SPATA1: variants seen among roughly 807,000 people sequenced by gnomAD.
The protein encoded by SPATA1 is spermatogenesis-associated protein 1.
In SPATA1, 57 loss-of-function variants were observed where a neutral mutation model predicts 59.6. The ratio of observed to expected loss-of-function variants is 0.96; its 90% CI spans 0.77 to 1.19. SPATA1 has a LOEUF of 1.19. Among genes scored for constraint, SPATA1 ranks in the 50% most tolerant of loss-of-function variants. The pLI, the probability that SPATA1 is intolerant of heterozygous loss-of-function variation, is 0.00. For missense variants in SPATA1, 448 were observed against 480.7 expected, an observed-to-expected ratio of 0.93 and a Z score of 0.64; for synonymous variants, 147 against 163.9, an observed-to-expected ratio of 0.90 and a Z score of 0.79.
chr1:84,509,279 A>G (rs1211096236), intron 1 of SPATA1, among the ~76,000 whole-genome samples: 1 of 152,178 alleles, frequency 6.6e-6, no homozygotes, highest in Non-Finnish European at 1.5e-5. Context: ...ACCTACAGTG[A>G]ACTCGTTTTT....
chr1:84,548,880 CTACTA>C lies in SPATA1; in HGVS notation c.1044_1048del (p.Tyr348Ter). ...CAAAACTTCGAGAAGATTTGGAACT[CTACTA>C]TAAAAAACTGCTCATGCAACTTGAA... On this transcript the variant is annotated frameshift_variant, in exon 11 of 13. Transcript: ENST00000490879. LOFTEE classifies it high-confidence loss of function. 6.3e-7 allele frequency: 1 copy of C among 1,590,800 alleles called. No individual in the cohort carries two copies. The highest frequency in any genetic ancestry group is 8.6e-7 in the Non-Finnish European group (1 of 1,169,248).
At chr1:84,520,328 C>T in intron 2 of SPATA1, 1 of 328,958 alleles carries the variant, frequency 3.0e-6, no homozygotes, top group East Asian at 6.4e-5. Flanking sequence ...GAAAAAAACA[C>T]CATATGCCAA....
chr1:84,552,662 G>T (rs962383577), intron 12 of SPATA1: 17 of 163,016 alleles, frequency 1.0e-4, no homozygotes, highest in Admixed American at 3.2e-4. Flanking sequence ...GGAATTAAGG[G>T]TTTTTTTTGT....
intron 1 of SPATA1, among the ~76,000 whole-genome samples, chr1:84,511,679 C>CTTTTTTTTTTTTTTTT (rs1310907189): frequency 1.5e-5 from 1 of 67,606 alleles, no homozygotes; most frequent in Non-Finnish European, 2.9e-5. Flanking sequence ...TTCTTTCTTT[C>CTTTTTTTTTTTTTTTT]TTTTTTTTTT....
At chr1:84,531,721 G>A (rs899610705) in intron 6 of SPATA1, among the ~76,000 whole-genome samples, 1 of 151,686 alleles carries the variant, frequency 6.6e-6, no homozygotes, top group African/African-American at 2.4e-5. Flanking sequence ...ACACAGGCAT[G>A]CACCACCATG....
At chr1:84,531,108 A>AT (rs1264165618) in intron 6 of SPATA1, among the ~76,000 whole-genome samples, 4 of 152,144 alleles carry the variant, frequency 2.6e-5, no homozygotes, top group South Asian at 2.1e-4. Flanking sequence ...TGGTACGTCC[A>AT]TTTTTTATTC....
chr1:84,537,041 A>G (rs1683723928), intron 8 of SPATA1, among the ~76,000 whole-genome samples: 2 of 151,578 alleles, frequency 1.3e-5, no homozygotes, highest in Non-Finnish European at 2.9e-5. Flanking sequence ...CACCGCGCCC[A>G]GCTAATTTTT....
chr1:84,519,950 TATAA>T lies in SPATA1; in HGVS notation c.37-631_37-628del, dbSNP rs532008395. The stretch of plus-strand genomic sequence containing the variant: ...GCAATCATTGTTTCTGTTGTGGTTA[TATAA>T]ATATTCTTCTAAATAGAAGGATTCT... On this transcript the variant is annotated intron_variant, in intron 2 of 12. Transcript: ENST00000490879. Among the ~76,000 whole-genome samples, 544 of 152,324 alleles carry T rather than the reference TATAA, an allele frequency of 3.6e-3. 3 individuals carry two copies. Among genetic ancestry groups the T allele is most frequent in the Non-Finnish European group, 5.2e-3 (356 of 68,016 alleles).
intron 12 of SPATA1, chr1:84,552,251 A>G (rs2102010368): frequency 6.6e-6 from 1 of 152,288 alleles, no homozygotes; most frequent in African/African-American, 2.4e-5. Flanking sequence ...TAGCATAAGT[A>G]GTGCTTCTCA....
intron 1 of SPATA1, among the ~76,000 whole-genome samples, chr1:84,509,409 A>G (rs1004644247): frequency 2.6e-5 from 4 of 152,228 alleles, no homozygotes; most frequent in Non-Finnish European, 4.4e-5. Flanking sequence ...CGTATACCAA[A>G]ATCAAATCAA....
At chr1:84,549,750 C>A (rs1684214078) in intron 11 of SPATA1, 1 of 151,764 alleles carries the variant, frequency 6.6e-6, no homozygotes, top group Admixed American at 6.6e-5. Flanking sequence ...AATATGTTAA[C>A]TATGATTAAA....
intron 4 of SPATA1, among the ~76,000 whole-genome samples, chr1:84,564,886 T>A (rs1684663079): frequency 6.6e-6 from 1 of 151,768 alleles, no homozygotes; most frequent in Non-Finnish European, 1.5e-5. Flanking sequence ...AAATCTTTTT[T>A]AAATTAGCTG....
At chr1:84,521,612 A>T (rs1318241066) in intron 3 of SPATA1, among the ~76,000 whole-genome samples, 2 of 151,878 alleles carry the variant, frequency 1.3e-5, no homozygotes, top group East Asian at 3.9e-4. Flanking sequence ...AATCATTCAT[A>T]CAGTCCCTTT....
At chr1:84,510,710 T>G (rs1196923027) in intron 1 of SPATA1, among the ~76,000 whole-genome samples, 1 of 152,224 alleles carries the variant, frequency 6.6e-6, no homozygotes, top group Non-Finnish European at 1.5e-5. Flanking sequence ...CAGCACTCCC[T>G]TGTTTACTGC....
Position 84,525,914 on chromosome 1 carries a change from GT to G in SPATA1, c.387del (p.Ile130PhefsTer2). On this transcript the variant is annotated frameshift_variant, in exon 6 of 13. Coordinates refer to ENST00000490879, the Ensembl canonical transcript of SPATA1. LOFTEE classifies it high-confidence loss of function. Reference sequence around the variant, plus strand: ...AGGAAATGTTTATTCACCATCAACAGTTATTTTAGATGAGCGGCAGACTAAT... The same window carrying G: ...AGGAAATGTTTATTCACCATCAACAGTATTTTAGATGAGCGGCAGACTAAT... 6.2e-7 allele frequency: 1 copy of G among 1,613,742 alleles called. No homozygotes were observed. Among genetic ancestry groups the G allele is most frequent in the South Asian group, 1.1e-5 (1 of 91,068 alleles).
intron 1 of SPATA1, among the ~76,000 whole-genome samples, chr1:84,509,985 G>C (rs1390236342): frequency 6.6e-6 from 1 of 152,074 alleles, no homozygotes; most frequent in African/African-American, 2.4e-5. Context: ...CCCAGGAGTT[G>C]TATAACAGCC....
intron 4 of SPATA1, among the ~76,000 whole-genome samples, chr1:84,523,146 C>T (rs1409559877): frequency 6.6e-6 from 1 of 152,132 alleles, no homozygotes; most frequent in African/African-American, 2.4e-5. Flanking sequence ...TTCAGGTGAT[C>T]TCCCTGCCTC....
intron 6 of SPATA1, among the ~76,000 whole-genome samples, chr1:84,532,047 A>G (rs1334965342): frequency 1.3e-5 from 2 of 152,212 alleles, no homozygotes; most frequent in East Asian, 3.9e-4. Context: ...TAGTTTTCCT[A>G]TATTGAGAAA....
chr1:84,563,765 A>C lies in SPATA1; in HGVS notation n.443-2096A>C, dbSNP rs375409657. ...ACAGATTCAGGCAGGTATAATCATA[A>C]CCATACCAAGGAACACCCATTACAA... On this transcript the variant is annotated intron_variant and non_coding_transcript_variant, in intron 4 of 4. Transcript: ENST00000460286. The C allele has an allele frequency of 5.0e-6, 8 of 1,608,168 alleles. No individual in the cohort carries two copies. In the East Asian group the frequency reaches 1.8e-4, roughly 36 times the overall value.
Sources: allele counts gnomAD v4.1 joint callset (sites outside exome capture counted in the v4.1 genomes callset), GRCh38; gene constraint gnomAD v4.1.1; transcripts MANE v1.5; gene names NCBI Gene and HGNC (gene_info 2026-07-23, HGNC 2026-07-21).